MSI2: variants seen among roughly 807,000 people sequenced by gnomAD.
MSI2 encodes the protein musashi RNA binding protein 2, also known as RNA-binding protein Musashi homolog 2.
MSI2 carries 17 observed loss-of-function variants against 45.6 expected under a neutral mutation model. The observed-to-expected ratio is 0.37, with a 90% CI of 0.26 to 0.56. The LOEUF (loss-of-function observed/expected upper bound fraction) is 0.56. MSI2 is among the 20% of genes least tolerant of loss of function. MSI2 has a pLI of 0.77. For synonymous variants in MSI2, 156 were observed against 158.2 expected (o/e 0.99, Z 0.11); for missense variants, 293 against 444.2 (o/e 0.66, Z 3.06).
At chr17:57,475,893 A>G (rs890237197) in intron 6 of MSI2, among the ~76,000 whole-genome samples, 1 of 152,140 alleles carries the variant, frequency 6.6e-6, no homozygotes, top group African/African-American at 2.4e-5. Flanking sequence ...CTGTCTGCCA[A>G]TCTCTCGTCC....
At chr17:57,340,044 C>T (rs1232585733) in intron 5 of MSI2, among the ~76,000 whole-genome samples, 1 of 152,186 alleles carries the variant, frequency 6.6e-6, no homozygotes, top group Admixed American at 6.5e-5. Context: ...AGTGTGGGTT[C>T]CAGCCCTTCC....
At chr17:57,355,689 A>G (rs552786551) in intron 5 of MSI2, among the ~76,000 whole-genome samples, 50 of 152,204 alleles carry the variant, frequency 3.3e-4, no homozygotes, top group African/African-American at 1.2e-3. Flanking sequence ...TGGCAATGCT[A>G]TTTTGAGAGG....
chr17:57,687,331 G>A (rs928851984), downstream of MSI2, among the ~76,000 whole-genome samples: 2 of 151,782 alleles, frequency 1.3e-5, no homozygotes, highest in Non-Finnish European at 2.9e-5. Flanking sequence ...AATAGAAGCT[G>A]AAAGCAATAG....
intron 7 of MSI2, among the ~76,000 whole-genome samples, chr17:57,582,374 T>C (rs1184044164): frequency 6.6e-6 from 1 of 152,148 alleles, no homozygotes; most frequent in East Asian, 1.9e-4. Flanking sequence ...TTATAAAACC[T>C]ATACAAATAG....
intron 11 of MSI2, among the ~76,000 whole-genome samples, chr17:57,662,671 G>A (rs1320464184): frequency 1.3e-5 from 2 of 152,194 alleles, no homozygotes; most frequent in East Asian, 3.9e-4. Context: ...CCTTAAAACA[G>A]ACACTCAAGA....
chr17:57,504,887 C>T (rs1018115259), intron 6 of MSI2, among the ~76,000 whole-genome samples: 5 of 149,624 alleles, frequency 3.3e-5, no homozygotes, highest in Non-Finnish European at 7.4e-5. Context: ...GCCGAGATCA[C>T]ACCATTGCAC....
chr17:57,689,569 C>T (rs576760934), downstream of MSI2, among the ~76,000 whole-genome samples: 11 of 152,308 alleles, frequency 7.2e-5, no homozygotes, highest in Non-Finnish European at 1.2e-4. Flanking sequence ...TACAGTGCAT[C>T]CATTTTAAGT....
At chr17:57,414,228 A>G (rs893432277) in intron 6 of MSI2, among the ~76,000 whole-genome samples, 1 of 152,162 alleles carries the variant, frequency 6.6e-6, no homozygotes, top group African/African-American at 2.4e-5. Context: ...AAATTCCACC[A>G]AGTGGGGCTG....
chr17:57,639,522 G>C (rs1367809336), intron 10 of MSI2, among the ~76,000 whole-genome samples: 1 of 152,252 alleles, frequency 6.6e-6, no homozygotes, highest in Non-Finnish European at 1.5e-5. Context: ...ATAGGAGGCT[G>C]TTCCCCGACT....
intron 6 of MSI2, among the ~76,000 whole-genome samples, chr17:57,511,892 G>T (rs1473846228): frequency 7.9e-5 from 12 of 152,162 alleles, no homozygotes; most frequent in Non-Finnish European, 2.9e-5. Flanking sequence ...TGTGCTTTCT[G>T]CAGTTTCCCT....
At chr17:57,296,160 A>G (rs1056377842) in intron 5 of MSI2, among the ~76,000 whole-genome samples, 1 of 151,810 alleles carries the variant, frequency 6.6e-6, no homozygotes, top group African/African-American at 2.4e-5. Context: ...GCATTATCTG[A>G]GATAGTTGGT....
intron 5 of MSI2, among the ~76,000 whole-genome samples, chr17:57,327,723 A>G (rs1018889209): frequency 2.6e-5 from 4 of 152,164 alleles, no homozygotes; most frequent in Admixed American, 1.3e-4. Context: ...CCAAGCCACT[A>G]TGGGATGCCT....
chr17:57,440,413 C>CGTGT (rs71139995), intron 6 of MSI2, among the ~76,000 whole-genome samples: 13,287 of 104,442 alleles, frequency 0.13, 1,386 homozygotes, highest in Middle Eastern at 0.14. Context: ...GTTTGTTATC[C>CGTGT]GTGTGTGTGT....
chr17:57,287,605 T>G (rs1910032189), intron 5 of MSI2, among the ~76,000 whole-genome samples: 1 of 152,218 alleles, frequency 6.6e-6, no homozygotes, highest in East Asian at 1.9e-4. Context: ...ACTGGGACTT[T>G]AGCCCAGGGA....
chr17:57,354,934 A>T (rs1916308056), intron 5 of MSI2, among the ~76,000 whole-genome samples: 1 of 152,226 alleles, frequency 6.6e-6, no homozygotes, highest in Non-Finnish European at 1.5e-5. Context: ...TTGAAAATAA[A>T]GATAGTCTGA....
intron 11 of MSI2, among the ~76,000 whole-genome samples, chr17:57,665,396 G>A (rs933956809): frequency 2.0e-5 from 3 of 152,226 alleles, no homozygotes; most frequent in African/African-American, 7.2e-5. Flanking sequence ...TTAGAAACAT[G>A]AGAGGGAGCT....
At chr17:57,592,845 A>T (rs1445923964) in intron 7 of MSI2, among the ~76,000 whole-genome samples, 1 of 152,130 alleles carries the variant, frequency 6.6e-6, no homozygotes, top group African/African-American at 2.4e-5. Flanking sequence ...AGAGTGGGAA[A>T]CTGGGGCATC....
At chr17:57,528,104 C>G (rs538691465) in intron 6 of MSI2, among the ~76,000 whole-genome samples, 5 of 150,828 alleles carry the variant, frequency 3.3e-5, no homozygotes, top group African/African-American at 9.7e-5. Context: ...TTTTACCCCC[C>G]CTACAGCCAC....
At chr17:57,499,069 C>T (rs2086042164) in intron 6 of MSI2, among the ~76,000 whole-genome samples, 1 of 151,924 alleles carries the variant, frequency 6.6e-6, no homozygotes, top group Admixed American at 6.6e-5. Flanking sequence ...GACAATTGGG[C>T]TTTTTTTCCT....
Sources: gnomAD v4.1 joint callset for allele counts (sites outside exome capture counted in the v4.1 genomes callset) on GRCh38, gnomAD v4.1.1 for gene constraint, MANE v1.5 for transcripts, NCBI Gene and HGNC (gene_info 2026-07-23, HGNC 2026-07-21) for gene names.